Variants in RUNX1T1 observed in about 807,000 individuals in gnomAD.
RUNX1T1 encodes protein CBFA2T1.
RUNX1T1 carries 4 observed loss-of-function variants against 62.8 expected under a neutral mutation model. That is an observed-to-expected ratio of 0.06 (90% CI 0.03 to 0.15). The LOEUF (loss-of-function observed/expected upper bound fraction) is 0.15. Among genes scored for constraint, RUNX1T1 ranks in the 10% least tolerant of loss-of-function variants. RUNX1T1 has a pLI of 1.00. For missense variants in RUNX1T1, 508 were observed against 754.3 expected, an observed-to-expected ratio of 0.67 and a Z score of 3.82; for synonymous variants, 291 against 286.0, an observed-to-expected ratio of 1.02 and a Z score of -0.18.
At position 91,986,875 on chromosome 8, in the gene RUNX1T1, C is replaced by T. The variant is rs368632741; in HGVS notation, c.996+12G>A. 7.9e-5 allele frequency: 120 copies of T among 1,526,312 alleles called. No individual in the cohort carries two copies. The African/African-American group carries it at 1.4e-3, about 17-fold the overall frequency. The allele number at this position is 1,526,312 out of a possible 1,614,324, so 94.5% of individuals were successfully genotyped here. ...AACATTTTTTAATCCCAAATGATTA[C>T]TGATGTCTTACATGGTCAAGATGTT... On this transcript the variant is annotated intron_variant, in intron 7 of 10. Transcript: ENST00000396218.
At chr8:92,080,685 T>A (rs915057212) in intron 1 of RUNX1T1, among the ~76,000 whole-genome samples, 4 of 152,254 alleles carry the variant, frequency 2.6e-5, no homozygotes, top group African/African-American at 9.6e-5. Flanking sequence ...AGCATGGCCA[T>A]GTTTATTCAA....
At chr8:92,029,386 A>G (rs1418441257) in intron 1 of RUNX1T1, among the ~76,000 whole-genome samples, 1 of 152,196 alleles carries the variant, frequency 6.6e-6, no homozygotes, top group East Asian at 1.9e-4. Context: ...TTCAGTATGG[A>G]AATGGCTGTA....
intron 3 of RUNX1T1, among the ~76,000 whole-genome samples, chr8:92,013,743 C>T (rs1822443943): frequency 6.6e-6 from 1 of 152,140 alleles, no homozygotes; most frequent in African/African-American, 2.4e-5. Context: ...TGACAATGTG[C>T]AGAACGTAGT....
intron 2 of RUNX1T1, 139 bp downstream of exon 3, chr8:92,017,087 C>A: frequency 1.5e-6 from 1 of 653,464 alleles, no homozygotes; most frequent in Admixed American, 2.9e-5. Context: ...TACTTACTGG[C>A]AAACAAATGA....
intron 2 of RUNX1T1, among the ~76,000 whole-genome samples, chr8:92,075,750 A>G (rs1277015018): frequency 6.6e-6 from 1 of 152,200 alleles, no homozygotes; most frequent in Non-Finnish European, 1.5e-5. Context: ...TCAGACCCAA[A>G]ACTATCAAAC....
At chr8:92,089,523 C>T (rs574826608) in intron 1 of RUNX1T1, among the ~76,000 whole-genome samples, 12 of 152,116 alleles carry the variant, frequency 7.9e-5, no homozygotes, top group Admixed American at 7.9e-4. Context: ...ACTTTGAGAC[C>T]GGGGGTATGG....
At chr8:92,073,757 T>C (rs944649036) in intron 2 of RUNX1T1, among the ~76,000 whole-genome samples, 8 of 152,200 alleles carry the variant, frequency 5.3e-5, no homozygotes, top group African/African-American at 1.9e-4. Context: ...AGTAAAACGG[T>C]GCAATCATCG....
chr8:91,966,788 T>C (rs1423832780), intron 10 of RUNX1T1, among the ~76,000 whole-genome samples: 2 of 152,198 alleles, frequency 1.3e-5, no homozygotes, highest in African/African-American at 2.4e-5. Context: ...TGCTTAGATA[T>C]CTGCCGCAAG....
chr8:92,017,313 T>C, exon 2 of RUNX1T1: 1 of 1,614,058 alleles, frequency 6.2e-7, no homozygotes, highest in Non-Finnish European at 8.5e-7. Flanking sequence ...CTAGATTGCG[T>C]CTTCACATCC....
In RUNX1T1 at chr8:91,960,289, A is replaced by G. The variant is rs1199827431; in HGVS notation, c.1687T>C (p.Ser563Pro). ...GTGGAAGGGGTTCCCGGGGTGGTTG[A>G]CCTCGGAGTGGCTGCTGGTGGTGTG... The change falls in exon 11 of 11, where the codon TCA becomes CCA. Residue 563 changes from serine to proline, a missense_variant. Transcript: ENST00000396218. 1.9e-6 allele frequency: 3 copies of G among 1,609,994 alleles called. No individual in the cohort carries two copies. In the South Asian group the frequency reaches 3.3e-5, roughly 18 times the overall value.
rs975379397 is a variant in RUNX1T1 at position 92,076,157 on chromosome 8, GA to G, written c.-85-21del. ...TCTTTTCTATTGACAACAACAAAGG[GA>G]AAAAAAATGCATATATCACAACCAG... On this transcript the variant is annotated intron_variant, in intron 1 of 11. Transcript: ENST00000265814. The G allele has an allele frequency of 7.4e-5, 109 of 1,480,290 alleles. No homozygotes were observed. The highest frequency in any genetic ancestry group is 1.8e-4 in the Middle Eastern group (1 of 5,552). 91.7% of individuals were successfully genotyped at this position (1,480,290 alleles called of 1,614,324 possible). A position where few individuals can be genotyped will look rare whatever the true frequency, so the allele number is the denominator to read the frequency against.
At position 91,975,485 on chromosome 8, in the gene RUNX1T1, GT is replaced by G. The variant is rs753923268; in HGVS notation, c.1267+419del. On this transcript the variant is annotated intron_variant, in intron 9 of 10. Transcript: ENST00000396218. ...GTCAACTAGATTTGATGTTGGTTTC[GT>G]TTTTTTTTTTTTTGGATGCAGGAGA... 3.6e-3 allele frequency among the ~76,000 whole-genome samples: 484 copies of G among 134,958 alleles called. 2 individuals are homozygous for G. The highest frequency in any genetic ancestry group is 6.4e-3 in the African/African-American group (236 of 36,922). 88.5% of individuals were successfully genotyped at this position (134,958 alleles called of 152,430 possible). A position where few individuals can be genotyped will look rare whatever the true frequency, so the allele number is the denominator to read the frequency against.
At chr8:91,986,448 G>T (rs1816582534) in intron 7 of RUNX1T1, 123 bp from the exon 9 acceptor site, 3 of 724,772 alleles carry the variant, frequency 4.1e-6, no homozygotes, top group Admixed American at 2.4e-5. Context: ...GAAGGTTTCA[G>T]TCTAGTATTT....
At chr8:92,056,643 C>CA (rs887211515) in intron 1 of RUNX1T1, among the ~76,000 whole-genome samples, 34 of 149,822 alleles carry the variant, frequency 2.3e-4, no homozygotes, top group Non-Finnish European at 5.9e-5. Flanking sequence ...TGGGGGATGG[C>CA]AAAAAAAGAT....
chr8:92,099,593 G>A (rs1447119822), exon 1 of RUNX1T1: 3 of 983,620 alleles, frequency 3.0e-6, no homozygotes, highest in African/African-American at 3.5e-5. Context: ...AATAGACTCC[G>A]GCAAAATGCA....
chr8:92,017,405 C>A (rs1378456602), intron 1 of RUNX1T1, 42 bp from the exon 3 acceptor site: 7 of 1,613,766 alleles, frequency 4.3e-6, no homozygotes, highest in Non-Finnish European at 5.1e-6. Context: ...ACTCCTTAAG[C>A]ACCTCAGTTT....
chr8:92,011,110 A>G lies in RUNX1T1; in HGVS notation c.388-19T>C, dbSNP rs758108879. ...TGGAGTTCTATGGAAGAAAATATGT[A>G]GTATAAATACATTAGCCTGTTGGTA... On this transcript the variant is annotated intron_variant, in intron 3 of 10. Transcript: ENST00000396218. 1.5e-6 allele frequency: 2 copies of G among 1,358,636 alleles called. No individual in the cohort carries two copies. Among genetic ancestry groups the G allele is most frequent in the Admixed American group, 1.7e-5 (1 of 59,556 alleles). The allele number at this position is 1,358,636 out of a possible 1,614,324, so 84.2% of individuals were successfully genotyped here. A position where few individuals can be genotyped will look rare whatever the true frequency, so the allele number is the denominator to read the frequency against.
chr8:92,016,276 C>T (rs1429816397), intron 2 of RUNX1T1, among the ~76,000 whole-genome samples: 4 of 152,150 alleles, frequency 2.6e-5, no homozygotes, highest in Non-Finnish European at 5.9e-5. Flanking sequence ...ATTCTCTATC[C>T]TTTCCTTTGG....
chr8:92,102,981 C>A, upstream of RUNX1T1: 1 of 1,348,490 alleles, frequency 7.4e-7, no homozygotes, highest in Non-Finnish European at 9.8e-7. The surrounding 1 kb of genome is among the most constrained non-coding windows in gnomAD (Gnocchi z 4.5). Flanking sequence ...CCTCGCGAGG[C>A]CAGAGTGTCC....
Sources: gnomAD v4.1 joint callset for allele counts (sites outside exome capture counted in the v4.1 genomes callset) on GRCh38, gnomAD v4.1.1 for gene constraint, Gnocchi (gnomAD v3.1) non-coding constraint, MANE v1.5 for transcripts, NCBI Gene and HGNC (gene_info 2026-07-23, HGNC 2026-07-21) for gene names.